LHFPL2: variants seen among roughly 807,000 people sequenced by gnomAD.
LHFPL2 encodes the protein LHFPL tetraspan subfamily member 2.
A neutral mutation model predicts 17.5 loss-of-function variants in LHFPL2; 7 were observed. The ratio of observed to expected loss-of-function variants is 0.40; its 90% CI spans 0.23 to 0.75. The LOEUF is 0.75. LHFPL2 is among the 30% of genes least tolerant of loss of function. LHFPL2 has a pLI of 0.37. For missense variants in LHFPL2, 241 were observed against 294.8 expected (o/e 0.82, Z 1.34); for synonymous variants, 134 against 116.2 (o/e 1.15, Z -0.99).
chr5:78,506,664 A>T (rs1193858178), intron 4 of LHFPL2, among the ~76,000 whole-genome samples: 2 of 152,192 alleles, frequency 1.3e-5, no homozygotes. Context: ...GACCTCCAAT[A>T]GGGGAGAAAG....
chr5:78,489,738 T>C (rs1343456171), intron 4 of LHFPL2, among the ~76,000 whole-genome samples: 2 of 152,254 alleles, frequency 1.3e-5, no homozygotes, highest in African/African-American at 4.8e-5. Flanking sequence ...CTAAGGCAGA[T>C]GTTGGTAAAC....
chr5:78,600,715 C>G (rs571004175), intron 2 of LHFPL2, among the ~76,000 whole-genome samples: 3 of 152,040 alleles, frequency 2.0e-5, no homozygotes, highest in Non-Finnish European at 2.9e-5. Context: ...GCAACAAGAG[C>G]GAAACTCCGT....
chr5:78,554,178 G>A (rs377260008), intron 3 of LHFPL2, among the ~76,000 whole-genome samples: 1 of 152,266 alleles, frequency 6.6e-6, no homozygotes, highest in Non-Finnish European at 1.5e-5. Flanking sequence ...TTACGACAGT[G>A]CAAGGGGCAG....
chr5:78,556,226 T>C (rs1028441883), intron 3 of LHFPL2, among the ~76,000 whole-genome samples: 1 of 152,182 alleles, frequency 6.6e-6, no homozygotes, highest in Non-Finnish European at 1.5e-5. Flanking sequence ...GAGCATACAA[T>C]ACATGTAAAA....
At chr5:78,523,354 A>T (rs1755516723) in intron 3 of LHFPL2, among the ~76,000 whole-genome samples, 1 of 152,156 alleles carries the variant, frequency 6.6e-6, no homozygotes, top group Non-Finnish European at 1.5e-5. Flanking sequence ...ACCCTTAACT[A>T]CTTTAAATAT....
At chr5:78,550,825 C>T (rs1406401560) in intron 3 of LHFPL2, among the ~76,000 whole-genome samples, 1 of 152,196 alleles carries the variant, frequency 6.6e-6, no homozygotes, top group African/African-American at 2.4e-5. Flanking sequence ...CCCATCTCAG[C>T]CTCCCAAAGT....
chr5:78,515,324 T>C (rs1247405363), intron 3 of LHFPL2, among the ~76,000 whole-genome samples: 1 of 124,296 alleles, frequency 8.0e-6, no homozygotes, highest in African/African-American at 3.4e-5. Context: ...GGGCTAGTTG[T>C]CCTACAAAAT....
intron 2 of LHFPL2, among the ~76,000 whole-genome samples, chr5:78,581,378 A>T (rs1743131092): frequency 6.6e-6 from 1 of 152,306 alleles, no homozygotes; most frequent in South Asian, 2.1e-4. Flanking sequence ...CCAGTTTTCA[A>T]AGGGAATGCT....
At position 78,622,872 on chromosome 5, in the gene LHFPL2, C is replaced by G. The variant is rs368338793; in HGVS notation, c.-245+9392G>C. Among the ~76,000 whole-genome samples the G allele has an allele frequency of 2.6e-5, 4 of 152,158 alleles. No individual in the cohort carries two copies. The South Asian group carries it at 8.3e-4, about 31-fold the overall frequency. On this transcript the variant is annotated intron_variant, in intron 2 of 4. Transcript: ENST00000380345. ...GATACAGACTGAGACACCACTGAGG[C>G]CTGCCTAGCTGGAGGAAGAACTTGG...
At chr5:78,622,911 G>C (rs1160243976) in intron 2 of LHFPL2, among the ~76,000 whole-genome samples, 1 of 152,122 alleles carries the variant, frequency 6.6e-6, no homozygotes, top group Non-Finnish European at 1.5e-5. Flanking sequence ...CCCTTAACGG[G>C]GTCAGGCCTT....
At chr5:78,490,372 C>T (rs1199628803) in intron 4 of LHFPL2, among the ~76,000 whole-genome samples, 3 of 152,110 alleles carry the variant, frequency 2.0e-5, no homozygotes, top group East Asian at 3.9e-4. Flanking sequence ...GTAGCTCCTC[C>T]CAAAAAAGCC....
intron 2 of LHFPL2, among the ~76,000 whole-genome samples, chr5:78,565,157 G>T (rs926520890): frequency 9.2e-5 from 14 of 152,132 alleles, no homozygotes; most frequent in African/African-American, 3.4e-4. Flanking sequence ...CCCTCACAAG[G>T]GGACCAACTT....
intron 3 of LHFPL2, among the ~76,000 whole-genome samples, chr5:78,547,944 A>C (rs904388581): frequency 3.9e-5 from 6 of 152,254 alleles, no homozygotes; most frequent in African/African-American, 1.4e-4. Flanking sequence ...TCCTCAGGAA[A>C]GGCCGCTACA....
chr5:78,585,785 A>C (rs1021137735), intron 2 of LHFPL2, among the ~76,000 whole-genome samples: 6 of 151,696 alleles, frequency 4.0e-5, no homozygotes, highest in Admixed American at 2.0e-4. Flanking sequence ...TTCATGAAAA[A>C]CTCACAACAA....
chr5:78,528,805 T>C (rs577022991), intron 3 of LHFPL2, among the ~76,000 whole-genome samples: 50 of 152,326 alleles, frequency 3.3e-4, no homozygotes, highest in African/African-American at 1.2e-3. Flanking sequence ...TCAATAAATA[T>C]AGAGCATTCC....
intron 4 of LHFPL2, among the ~76,000 whole-genome samples, chr5:78,496,462 A>G (rs1477856998): frequency 6.6e-6 from 1 of 152,058 alleles, no homozygotes; most frequent in African/African-American, 2.4e-5. Flanking sequence ...CTCTTATAAC[A>G]TTTTTCTGAA....
At chr5:78,516,489 G>A (rs987711964) in intron 3 of LHFPL2, among the ~76,000 whole-genome samples, 3 of 152,152 alleles carry the variant, frequency 2.0e-5, no homozygotes, top group African/African-American at 4.8e-5. Flanking sequence ...CTGGTGGACA[G>A]GGGCGCTGTC....
intron 1 of LHFPL2, among the ~76,000 whole-genome samples, chr5:78,637,917 C>T (rs751561485): frequency 1.2e-4 from 18 of 152,210 alleles, no homozygotes; most frequent in Admixed American, 3.9e-4. Context: ...CCTCCCCACT[C>T]GGGCACCAGC....
At chr5:78,563,008 G>A (rs1756770269) in intron 3 of LHFPL2, among the ~76,000 whole-genome samples, 1 of 152,160 alleles carries the variant, frequency 6.6e-6, no homozygotes, top group East Asian at 1.9e-4. Flanking sequence ...GTTTTCACAT[G>A]CAGCTCCTTA....
Sources: allele counts gnomAD v4.1 joint callset (sites outside exome capture counted in the v4.1 genomes callset), GRCh38; gene constraint gnomAD v4.1.1; transcripts MANE v1.5; gene names NCBI Gene and HGNC (gene_info 2026-07-23, HGNC 2026-07-21).